The following BRK1 variants were observed in gnomAD, a reference collection of about 807,000 sequenced individuals.
BRK1 encodes protein BRICK1.
A neutral mutation model predicts 9.9 loss-of-function variants in BRK1; 6 were observed. The observed-to-expected ratio is 0.60, with a 90% CI of 0.33 to 1.19. The LOEUF (loss-of-function observed/expected upper bound fraction) is 1.19, where lower values mean the gene tolerates loss of function less well. Ranked by LOEUF, BRK1 falls within the 50% of genes most tolerant of loss-of-function variation. The pLI, the probability that BRK1 is intolerant of heterozygous loss-of-function variation, is 0.04. For synonymous variants in BRK1, 44 were observed against 31.9 expected (o/e 1.38, Z -1.28); for missense variants, 62 against 97.5 (o/e 0.64, Z 1.53).
chr3:10,124,760 T>G (rs1695813762), intron 1 of BRK1, among the ~76,000 whole-genome samples: 1 of 152,142 alleles, frequency 6.6e-6, no homozygotes. Flanking sequence ...TTCTCGTGGT[T>G]GTAGGACTGA....
intron 1 of BRK1, 90 bp downstream of exon 1, chr3:10,115,909 C>G: frequency 3.0e-6 from 3 of 1,011,820 alleles, no homozygotes; most frequent in South Asian, 2.7e-5. Context: ...AGAGGACTCC[C>G]GCAGCCTTCG....
intron 1 of BRK1, among the ~76,000 whole-genome samples, chr3:10,125,097 G>A (rs1187214170): frequency 6.6e-6 from 1 of 151,968 alleles, no homozygotes; most frequent in Non-Finnish European, 1.5e-5. Flanking sequence ...CAGGATCCAG[G>A]GATTAGAGAA....
Position 10,126,304 on chromosome 3 carries a change from C to T in BRK1, c.*9C>T, listed in dbSNP as rs765238543. The stretch of plus-strand genomic sequence containing the variant: ...GTGAGACACTCACCTAGAACAGTGC[C>T]GTGCTGCTGCTGGGAAGTTGCTTTA... On this transcript the variant is annotated 3_prime_UTR_variant, in exon 3 of 3. Coordinates refer to ENST00000530758, the MANE Select transcript of BRK1 (RefSeq NM_018462.5). The T allele has an allele frequency of 8.1e-5, 127 of 1,576,806 alleles. 1 individual carries two copies. Among genetic ancestry groups the T allele is most frequent in the Middle Eastern group, 1.7e-4 (1 of 5,984 alleles).
chr3:10,116,397 G>C (rs916383398), intron 1 of BRK1, among the ~76,000 whole-genome samples: 13 of 149,380 alleles, frequency 8.7e-5, no homozygotes. Context: ...TAGGACCTTG[G>C]AAGTCCTCTC....
In BRK1 at chr3:10,123,732, C is replaced by CTTTTTTTTTTTTTTTTTTTTTTTTT. The variant is rs71626962; in HGVS notation, c.119-1873_119-1872insTTTTTTTTTTTTTTTTTTTTTTTTT. Reference sequence around the variant, plus strand: ...ACAGGCCTGAGCCACCGTGCCTGGCCTTTTTTTTTTTTTTTTTTTTTGAGA... The same window carrying CTTTTTTTTTTTTTTTTTTTTTTTTT: ...ACAGGCCTGAGCCACCGTGCCTGGCCTTTTTTTTTTTTTTTTTTTTTTTTTTTTTTTTTTTTTTTTTTTTTTGAGA... On this transcript the variant is annotated intron_variant, in intron 1 of 2. Coordinates refer to ENST00000530758, the MANE Select transcript of BRK1 (RefSeq NM_018462.5). Among the ~76,000 whole-genome samples the CTTTTTTTTTTTTTTTTTTTTTTTTT allele has an allele frequency of 1.8e-4, 9 of 48,694 alleles. 2 individuals carry two copies. The highest frequency in any genetic ancestry group is 7.5e-4 in the African/African-American group (5 of 6,698). 31.9% of individuals were successfully genotyped at this position (48,694 alleles called of 152,430 possible). A position where few individuals can be genotyped will look rare whatever the true frequency, so the allele number is the denominator to read the frequency against.
At chr3:10,118,798 T>G (rs1695719270) in intron 1 of BRK1, among the ~76,000 whole-genome samples, 1 of 151,992 alleles carries the variant, frequency 6.6e-6, no homozygotes, top group Non-Finnish European at 1.5e-5. Flanking sequence ...ATAAGTGGAT[T>G]TATTGCGATA....
chr3:10,126,474 G>A lies in BRK1; in HGVS notation c.*179G>A. The A allele has an allele frequency of 1.9e-6, 1 of 526,994 alleles. No individual in the cohort carries two copies. The allele number at this position is 526,994 out of a possible 1,614,324, so 32.6% of individuals were successfully genotyped here. ...CATCTGGGGTGTGGTGTGGTATGTGGGAAGAAGTTCAGAGGAACCGTTGGA... is the reference window on the plus strand; with the variant it reads ...CATCTGGGGTGTGGTGTGGTATGTGAGAAGAAGTTCAGAGGAACCGTTGGA... On this transcript the variant is annotated 3_prime_UTR_variant, in exon 3 of 3. Transcript: ENST00000530758.
chr3:10,121,754 C>T lies in BRK1; in HGVS notation c.119-3872C>T, dbSNP rs111998160. Among the ~76,000 whole-genome samples, 24,650 of 150,568 alleles carry T rather than the reference C, an allele frequency of 0.16. 2,538 individuals carry two copies. Among genetic ancestry groups the T allele is most frequent in the African/African-American group, 0.29 (11,952 of 40,744 alleles). Reference sequence around the variant, plus strand: ...CCTCAAACTTTTTTTTTTTTTAAGACAGAGTTTCACTCTTGTTGTCCAGGC... The same window carrying T: ...CCTCAAACTTTTTTTTTTTTTAAGATAGAGTTTCACTCTTGTTGTCCAGGC... On this transcript the variant is annotated intron_variant, in intron 1 of 2. Transcript: ENST00000530758.
intron 1 of BRK1, among the ~76,000 whole-genome samples, chr3:10,125,406 G>A (rs1695823610): frequency 6.6e-6 from 1 of 152,116 alleles, no homozygotes; most frequent in African/African-American, 2.4e-5. Context: ...TGCCCTGCAG[G>A]AAAGGACGTT....
intron 1 of BRK1, among the ~76,000 whole-genome samples, chr3:10,122,170 G>A (rs896019552): frequency 6.0e-5 from 9 of 150,746 alleles, no homozygotes; most frequent in African/African-American, 1.5e-4. Flanking sequence ...TGATCCGCCC[G>A]CCTCGGCCTC....
intron 1 of BRK1, among the ~76,000 whole-genome samples, chr3:10,123,369 A>G (rs1695784282): frequency 6.6e-6 from 1 of 151,758 alleles, no homozygotes; most frequent in African/African-American, 2.4e-5. Context: ...CATGGCTTTA[A>G]TGAGCTCAGA....
At chr3:10,121,251 G>T (rs1695751798) in intron 1 of BRK1, among the ~76,000 whole-genome samples, 1 of 152,134 alleles carries the variant, frequency 6.6e-6, no homozygotes, top group South Asian at 2.1e-4. Context: ...TCTAAAAGTA[G>T]ATTATAATTA....
In BRK1 at chr3:10,126,933, A is replaced by G. The variant is rs886597918; in HGVS notation, c.*638A>G. ...CTCAACTTTTTATCTGACTGCTGTG[A>G]TTATGGTGGGGAGAGGAGCTAGAGA... is the stretch of plus-strand genomic sequence containing the variant. On this transcript the variant is annotated 3_prime_UTR_variant, in exon 3 of 3. Transcript: ENST00000530758. 1 of 152,652 alleles carries G rather than the reference A, an allele frequency of 6.6e-6. No individual in the cohort carries two copies. Among genetic ancestry groups the G allele is most frequent in the Middle Eastern group, 3.2e-3 (1 of 316 alleles). 9.5% of individuals were successfully genotyped at this position (152,652 alleles called of 1,614,324 possible).
intron 1 of BRK1, among the ~76,000 whole-genome samples, chr3:10,125,294 A>C (rs1292847200): frequency 6.6e-6 from 1 of 152,084 alleles, no homozygotes; most frequent in East Asian, 1.9e-4. Flanking sequence ...AGTAAGAGAC[A>C]GGGTTTCATG....
chr3:10,115,692 G>A lies in BRK1; in HGVS notation c.-10G>A, dbSNP rs1695675003. 6.2e-7 allele frequency: 1 copy of A among 1,608,952 alleles called. No individual in the cohort carries two copies. Among genetic ancestry groups the A allele is most frequent in the Admixed American group, 1.7e-5 (1 of 59,994 alleles). On this transcript the variant is annotated 5_prime_UTR_variant, in exon 1 of 3. Transcript: ENST00000530758. ...GCGCCTGCGCAGTCGCTCTTCCTCA[G>A]GCGGCGGCCATGGCGGGACAGGAGG...
chr3:10,122,752 T>C (rs1695775741), intron 1 of BRK1, among the ~76,000 whole-genome samples: 1 of 152,042 alleles, frequency 6.6e-6, no homozygotes, highest in African/African-American at 2.4e-5. Context: ...CGTAAATGTT[T>C]AGATAAATAC....
At chr3:10,118,913 A>G (rs1331450543) in intron 1 of BRK1, among the ~76,000 whole-genome samples, 1 of 152,198 alleles carries the variant, frequency 6.6e-6, no homozygotes, top group Non-Finnish European at 1.5e-5. Context: ...CAGCCTACTC[A>G]GCAGGAAGAC....
chr3:10,126,513 A>AT lies in BRK1; in HGVS notation c.*222dup. Reference sequence around the variant, plus strand: ...GGAACCGTTGGAAACGACGTTAGGCATTTTACCTTTTCAGTAACATTTTAT... The same window carrying AT: ...GGAACCGTTGGAAACGACGTTAGGCATTTTTACCTTTTCAGTAACATTTTAT... On this transcript the variant is annotated 3_prime_UTR_variant, in exon 3 of 3. Transcript: ENST00000530758. 1 of 464,912 alleles carries AT rather than the reference A, an allele frequency of 2.2e-6. No homozygotes were observed. Among genetic ancestry groups the AT allele is most frequent in the Non-Finnish European group, 3.8e-6 (1 of 261,398 alleles). The allele number at this position is 464,912 out of a possible 1,614,324, so 28.8% of individuals were successfully genotyped here. A position where few individuals can be genotyped will look rare whatever the true frequency, so the allele number is the denominator to read the frequency against.
In BRK1 at chr3:10,126,202, A is replaced by AT. The variant is rs564589910; in HGVS notation, c.202-58dup. The AT allele has an allele frequency of 6.1e-4, 729 of 1,188,900 alleles. 1 individual carries two copies. Among genetic ancestry groups the AT allele is most frequent in the Middle Eastern group, 3.1e-3 (14 of 4,584 alleles). 73.6% of individuals were successfully genotyped at this position (1,188,900 alleles called of 1,614,324 possible). A position where few individuals can be genotyped will look rare whatever the true frequency, so the allele number is the denominator to read the frequency against. On this transcript the variant is annotated intron_variant, in intron 2 of 2. Coordinates refer to ENST00000530758, the MANE Select transcript of BRK1 (RefSeq NM_018462.5). ...ATTTCTCACTGCCTAGGATCTAAAG[A>AT]TTTTTTTTTAGACCCCTCTAATCTT... is the stretch of plus-strand genomic sequence containing the variant.
Sources: allele counts gnomAD v4.1 joint callset (sites outside exome capture counted in the v4.1 genomes callset), GRCh38; gene constraint gnomAD v4.1.1; transcripts MANE v1.5; gene names NCBI Gene and HGNC (gene_info 2026-07-23, HGNC 2026-07-21).